Variants in ZCCHC2 observed in about 807,000 individuals in gnomAD.
The protein encoded by ZCCHC2 is zinc finger CCHC domain-containing protein 2.
A neutral mutation model predicts 103.6 loss-of-function variants in ZCCHC2; 39 were observed. The observed-to-expected ratio is 0.38, with a 90% CI of 0.29 to 0.49. ZCCHC2 has a LOEUF of 0.49. ZCCHC2 is among the 20% of genes least tolerant of loss of function. The pLI is 0.96. For synonymous variants in ZCCHC2, 687 were observed against 608.9 expected, an observed-to-expected ratio of 1.13 and a Z score of -1.89; for missense variants, 1,483 against 1,491.0, an observed-to-expected ratio of 0.99 and a Z score of 0.09.
intron 4 of ZCCHC2, among the ~76,000 whole-genome samples, chr18:62,546,694 A>T (rs900348673): frequency 2.0e-5 from 3 of 152,210 alleles, no homozygotes; most frequent in African/African-American, 2.4e-5. Flanking sequence ...TGCCTGGCGC[A>T]TGGAGTCTGC....
chr18:62,523,501 ACGCGCGGCCGGG>A lies in ZCCHC2; in HGVS notation c.82_93del (p.Arg28_Ala31del). ...CCCGAGGCGGAGGAGCCCGAGGCGG[ACGCGCGGCCGGG>A]CGCGAAGGCGCCTTCGCGCCGCCGC... On this transcript the variant is annotated inframe_deletion, in exon 1 of 14. Transcript: ENST00000269499. 1 of 919,308 alleles carries A rather than the reference ACGCGCGGCCGGG, an allele frequency of 1.1e-6. No individual in the cohort carries two copies. The highest frequency in any genetic ancestry group is 1.3e-6 in the Non-Finnish European group (1 of 774,474). The allele number at this position is 919,308 out of a possible 1,614,324, so 56.9% of individuals were successfully genotyped here.
chr18:62,523,318 TGGA>T lies in ZCCHC2; in HGVS notation c.-104_-102del. 1 of 898,490 alleles carries T rather than the reference TGGA, an allele frequency of 1.1e-6. No individual in the cohort carries two copies. The highest frequency in any genetic ancestry group is 1.3e-6 in the Non-Finnish European group (1 of 756,158). The allele number at this position is 898,490 out of a possible 1,614,324, so 55.7% of individuals were successfully genotyped here. A position where few individuals can be genotyped will look rare whatever the true frequency, so the allele number is the denominator to read the frequency against. On this transcript the variant is annotated 5_prime_UTR_variant, in exon 1 of 14. Coordinates refer to ENST00000269499, the MANE Select transcript of ZCCHC2 (RefSeq NM_017742.6). ...CGGCCCCGGCCCTCCCCCGGCGGCA[TGGA>T]GGGGCCCCGCTCCTGACGGCCGCGC... is the stretch of plus-strand genomic sequence containing the variant.
intron 1 of ZCCHC2, among the ~76,000 whole-genome samples, chr18:62,536,786 T>G (rs1274544895): frequency 6.6e-6 from 1 of 152,224 alleles, no homozygotes; most frequent in Non-Finnish European, 1.5e-5. Flanking sequence ...GTTGATGAAC[T>G]TAGGACTTTG....
In ZCCHC2 at chr18:62,577,415, T is replaced by C. The variant is rs982025005; in HGVS notation, c.*836T>C. 6.6e-6 allele frequency: 1 copy of C among 152,304 alleles called. No homozygotes were observed. The highest frequency in any genetic ancestry group is 1.5e-5 in the Non-Finnish European group (1 of 68,044). 9.4% of individuals were successfully genotyped at this position (152,304 alleles called of 1,614,324 possible). A position where few individuals can be genotyped will look rare whatever the true frequency, so the allele number is the denominator to read the frequency against. ...GTGAATGTCGCTCTCTGTGTGCTTG[T>C]GTTTGTAATGAAAGTCTACAGCCAA... On this transcript the variant is annotated 3_prime_UTR_variant, in exon 14 of 14. Coordinates refer to ENST00000269499, the MANE Select transcript of ZCCHC2 (RefSeq NM_017742.6).
chr18:62,580,276 G>A (rs1484696725), downstream of ZCCHC2, among the ~76,000 whole-genome samples: 2 of 152,128 alleles, frequency 1.3e-5, no homozygotes, highest in African/African-American at 4.8e-5. Context: ...ACATCTGGGT[G>A]GTTTTAATTT....
rs780744792 is a variant in ZCCHC2, at chr18:62,523,865, C to G, written c.441C>G (p.Asp147Glu). Residue 147 changes from aspartate to glutamate, a missense_variant, in exon 1 of 14, where the codon GAC (aspartate) becomes GAG (glutamate). Around this residue, in one of 3 missense-constraint regions of ZCCHC2, gnomAD observed 568 missense variants for 525.1 expected, o/e 1.08. Coordinates refer to ENST00000269499, the MANE Select transcript of ZCCHC2 (RefSeq NM_017742.6). ...GCAAGGACTACCACTACCTGCGCGA[C>G]TCGGAGGCCAAGGCCAACGGCCTCT... ...LARKDYHYLR[D>E]SEAKANGLSD... is the part of the protein sequence containing the mutation. 7 of 1,544,404 alleles carry G rather than the reference C, an allele frequency of 4.5e-6. No homozygotes were observed. In the South Asian group the frequency reaches 7.1e-5, roughly 16 times the overall value.
chr18:62,562,433 C>T (rs1448094885), intron 8 of ZCCHC2, among the ~76,000 whole-genome samples: 1 of 152,114 alleles, frequency 6.6e-6, no homozygotes, highest in Non-Finnish European at 1.5e-5. Flanking sequence ...TTTTCTCCAT[C>T]TATTTCCCAT....
At chr18:62,560,468 C>A in intron 7 of ZCCHC2, 119 bp from the exon 8 acceptor site, 1 of 722,304 alleles carries the variant, frequency 1.4e-6, no homozygotes, top group Non-Finnish European at 2.3e-6. Context: ...TTGAGAAATG[C>A]TTAGAAGTGC....
At chr18:62,530,266 C>T (rs1172899470) in intron 1 of ZCCHC2, among the ~76,000 whole-genome samples, 2 of 152,126 alleles carry the variant, frequency 1.3e-5, no homozygotes, top group Non-Finnish European at 2.9e-5. Flanking sequence ...TGGAGGGTTA[C>T]GTTTCAACTC....
rs1212967184 is a variant in ZCCHC2 at position 62,574,241 on chromosome 18, A to G, written c.2160A>G (p.Pro720=). 1 of 1,613,964 alleles carries G rather than the reference A, an allele frequency of 6.2e-7. No individual in the cohort carries two copies. Among genetic ancestry groups the G allele is most frequent in the African/African-American group, 1.3e-5 (1 of 74,960 alleles). Residue 720 remains proline (P), a synonymous_variant, in exon 13 of 14, where the codon CCA becomes CCG. Transcript: ENST00000269499. ...SPKYQHISFM[P]TLHCVMHNGA... ...AGTATCAGCATATTTCTTTTATGCC[A>G]ACGTTACACTGTGTCATGCACAATG...
Position 62,523,529 on chromosome 18 carries a change from G to GCGC in ZCCHC2, c.115_117dup (p.Arg39dup), listed in dbSNP as rs1160537885. The GCGC allele has an allele frequency of 5.3e-6, 5 of 948,248 alleles. No homozygotes were observed. Among genetic ancestry groups the GCGC allele is most frequent in the Non-Finnish European group, 4.9e-6 (4 of 809,692 alleles). The allele number at this position is 948,248 out of a possible 1,614,324, so 58.7% of individuals were successfully genotyped here. A position where few individuals can be genotyped will look rare whatever the true frequency, so the allele number is the denominator to read the frequency against. ...CGCGGCCGGGCGCGAAGGCGCCTTCGCGCCGCCGCCGCGACTGCCGCCCCC... is the reference window on the plus strand; with the variant it reads ...CGCGGCCGGGCGCGAAGGCGCCTTCGCGCCGCCGCCGCCGCGACTGCCGCCCCC... On this transcript the variant is annotated inframe_insertion, in exon 1 of 14. Coordinates refer to ENST00000269499, the MANE Select transcript of ZCCHC2 (RefSeq NM_017742.6).
At chr18:62,529,523 A>G (rs764658281) in intron 1 of ZCCHC2, among the ~76,000 whole-genome samples, 6 of 152,226 alleles carry the variant, frequency 3.9e-5, no homozygotes, top group Non-Finnish European at 7.3e-5. Flanking sequence ...TTCATGGGAA[A>G]TTTTAGGTTG....
rs1433343696 is a variant in ZCCHC2 at position 62,585,111 on chromosome 18, G to A, written c.*739G>A. 4.6e-5 allele frequency: 7 copies of A among 152,222 alleles called. No individual in the cohort carries two copies. The South Asian group carries it at 6.2e-4, about 14-fold the overall frequency. The allele number at this position is 152,222 out of a possible 1,614,324, so 9.4% of individuals were successfully genotyped here. On this transcript the variant is annotated 3_prime_UTR_variant and NMD_transcript_variant, in exon 15 of 15. Transcript: ENST00000585873. Reference sequence around the variant, plus strand: ...TGGCTCTCGAAGGATTTGAGGACGCGGGAGGGTGAAATGTTTCCAGAGAAA... The same window carrying A: ...TGGCTCTCGAAGGATTTGAGGACGCAGGAGGGTGAAATGTTTCCAGAGAAA...
At chr18:62,558,639 T>G (rs1032505361) in intron 6 of ZCCHC2, 48 bp from the exon 7 acceptor site, 7 of 1,132,030 alleles carry the variant, frequency 6.2e-6, no homozygotes, top group Non-Finnish European at 8.6e-6. Flanking sequence ...TTTGTTTTCT[T>G]TATTTTAATT....
chr18:62,574,790 A>C lies in ZCCHC2; in HGVS notation c.2709A>C (p.Pro903=), dbSNP rs1434769104. ...PQPTNVKVVL[P]AAGLSAAQPP... ...CTACCAATGTGAAGGTAGTTCTTCC[A>C]GCAGCTGGCCTCTCAGCTGCTCAGC... The change falls in exon 13 of 14, where the codon CCA becomes CCC. Residue 903 remains proline, a synonymous_variant. Coordinates refer to ENST00000269499, the MANE Select transcript of ZCCHC2 (RefSeq NM_017742.6). The C allele has an allele frequency of 6.2e-7, 1 of 1,614,018 alleles. No individual in the cohort carries two copies. The highest frequency in any genetic ancestry group is 1.7e-5 in the Admixed American group (1 of 60,026).
In ZCCHC2 at chr18:62,576,821, A is replaced by G. The variant is rs1445545128; in HGVS notation, c.*242A>G. ...TGATACATGTAATTTAAACCTTCAG[A>G]CAAACTTAAATGTTGGTGCGTGCTT... On this transcript the variant is annotated 3_prime_UTR_variant, in exon 14 of 14. Coordinates refer to ENST00000269499, the MANE Select transcript of ZCCHC2 (RefSeq NM_017742.6). 2.6e-6 allele frequency: 1 copy of G among 377,688 alleles called. No homozygotes were observed. The highest frequency in any genetic ancestry group is 2.2e-5 in the African/African-American group (1 of 45,624). The allele number at this position is 377,688 out of a possible 1,614,324, so 23.4% of individuals were successfully genotyped here.
intron 4 of ZCCHC2, among the ~76,000 whole-genome samples, chr18:62,548,595 A>C (rs960536463): frequency 6.6e-6 from 1 of 152,218 alleles, no homozygotes; most frequent in Non-Finnish European, 1.5e-5. Context: ...TGCTAATATC[A>C]AAATATAAAT....
chr18:62,568,194 C>A (rs1211164089), intron 11 of ZCCHC2, among the ~76,000 whole-genome samples: 1 of 151,992 alleles, frequency 6.6e-6, no homozygotes, highest in Admixed American at 6.6e-5. Flanking sequence ...TTTATAATTA[C>A]CAATTTCCAG....
Position 62,577,186 on chromosome 18 carries a change from C to T in ZCCHC2, c.*607C>T, listed in dbSNP as rs1444320239. 6 of 152,614 alleles carry T rather than the reference C, an allele frequency of 3.9e-5. No individual in the cohort carries two copies. The highest frequency in any genetic ancestry group is 9.7e-5 in the African/African-American group (4 of 41,378). 9.5% of individuals were successfully genotyped at this position (152,614 alleles called of 1,614,324 possible). ...TAGTGTGTATATATGTAATAAACAG[C>T]GTCACGTAAATACATATATGCAGTG... is the stretch of plus-strand genomic sequence containing the variant. On this transcript the variant is annotated 3_prime_UTR_variant, in exon 14 of 14. Transcript: ENST00000269499.
Sources: allele counts gnomAD v4.1 joint callset (sites outside exome capture counted in the v4.1 genomes callset), GRCh38; gene constraint gnomAD v4.1.1; regional missense constraint gnomAD v4.1.1; transcripts MANE v1.5; gene names NCBI Gene and HGNC (gene_info 2026-07-23, HGNC 2026-07-21).